The following COLEC11 variants were observed in gnomAD, a reference collection of about 807,000 sequenced individuals.
The protein encoded by COLEC11 is collectin-11.
COLEC11 carries 20 observed loss-of-function variants against 27.3 expected under a neutral mutation model. The ratio of observed to expected loss-of-function variants is 0.73; its 90% confidence interval spans 0.51 to 1.06. The LOEUF (loss-of-function observed/expected upper bound fraction) is 1.06, where lower values mean the gene tolerates loss of function less well. Ranked by LOEUF, COLEC11 falls within the 50% of genes least tolerant of loss-of-function variation. The probability of loss-of-function intolerance (pLI) is 0.00; values close to 1 mark genes in which losing one functional copy is unlikely to be tolerated. For synonymous variants in COLEC11, 163 were observed against 154.7 expected (o/e 1.05, Z -0.40); for missense variants, 310 against 383.0 (o/e 0.81, Z 1.59).
rs142143154 is a variant in COLEC11 at position 3,627,517 on chromosome 2, C to T, written c.203-10016C>T. ...GATGGGGTGGATCTGGGCATAATAA[C>T]GGTAGATCGGGGCATGATGATGCTG... On this transcript the variant is annotated intron_variant, in intron 3 of 6. Transcript: ENST00000349077. Among the ~76,000 whole-genome samples, 597 of 148,304 alleles carry T rather than the reference C, an allele frequency of 4.0e-3. 3 individuals carry two copies. Among genetic ancestry groups the T allele is most frequent in the Non-Finnish European group, 4.4e-3 (296 of 67,240 alleles).
At chr2:3,633,498 G>C (rs1665161115) in intron 3 of COLEC11, among the ~76,000 whole-genome samples, 1 of 152,180 alleles carries the variant, frequency 6.6e-6, no homozygotes, top group Non-Finnish European at 1.5e-5. Flanking sequence ...GTGGGACCCA[G>C]TCCCTGCCAT....
rs775993317 is a variant in COLEC11 at position 3,643,748 on chromosome 2, C to T, written c.446C>T (p.Thr149Met). 37 of 1,613,658 alleles carry T rather than the reference C, an allele frequency of 2.3e-5. No homozygotes were observed. Among genetic ancestry groups the T allele is most frequent in the Admixed American group, 6.7e-5 (4 of 60,034 alleles). ...ACAGCTGTCGCCGGTGTGCGCGAGA[C>T]GGAGAGCAAGATCTACCTGCTGGTG... is the stretch of plus-strand genomic sequence containing the variant. ...IKNAVAGVRE[T>M]ESKIYLLVKE... is the part of the protein sequence containing the mutation. The change falls in exon 7 of 7, where the codon ACG becomes ATG. Residue 149 changes from threonine to methionine, a missense_variant. By Grantham distance (81) the Thr-to-Met change is moderately conservative. Transcript: ENST00000349077.
chr2:3,623,132 G>A (rs1313671052), intron 3 of COLEC11, among the ~76,000 whole-genome samples: 1 of 152,182 alleles, frequency 6.6e-6, no homozygotes, highest in East Asian at 1.9e-4. Flanking sequence ...TGGCCTGCAA[G>A]TTTTCTGCTG....
chr2:3,643,382 G>A (rs567140152), intron 5 of COLEC11, 62 bp from the exon 6 acceptor site: 29 of 1,383,886 alleles, frequency 2.1e-5, no homozygotes, highest in Middle Eastern at 3.6e-4. Context: ...AGGGGTCCTC[G>A]CCTCTCTTCT....
chr2:3,622,056 C>T (rs1359033239), intron 3 of COLEC11, among the ~76,000 whole-genome samples: 1 of 151,706 alleles, frequency 6.6e-6, no homozygotes. Flanking sequence ...GTAGTCCTAG[C>T]TACTCAGGAG....
chr2:3,636,223 G>A (rs1665402767), intron 3 of COLEC11, among the ~76,000 whole-genome samples: 1 of 152,156 alleles, frequency 6.6e-6, no homozygotes, highest in Admixed American at 6.5e-5. Context: ...TTGGGAGGCC[G>A]AGGTGGATGG....
At chr2:3,598,089 C>T (rs1661979342) in intron 1 of COLEC11, among the ~76,000 whole-genome samples, 1 of 152,092 alleles carries the variant, frequency 6.6e-6, no homozygotes, top group African/African-American at 2.4e-5. Context: ...GCACCCGCCA[C>T]CATGCCCAGC....
At chr2:3,599,104 C>A (rs558787828) in intron 1 of COLEC11, among the ~76,000 whole-genome samples, 58 of 152,254 alleles carry the variant, frequency 3.8e-4, no homozygotes, top group Admixed American at 1.2e-3. Flanking sequence ...CCACCCTCAC[C>A]ACACACTGGT....
chr2:3,595,605 AGTGGCTCT>A (rs1661791044), intron 1 of COLEC11, among the ~76,000 whole-genome samples: 1 of 152,222 alleles, frequency 6.6e-6, no homozygotes, highest in Admixed American at 6.5e-5. Context: ...CCCAGGGACC[AGTGGCTCT>A]GTGTTGGGCT....
At chr2:3,617,522 A>C (rs996438619) in intron 3 of COLEC11, 22 of 1,511,914 alleles carry the variant, frequency 1.5e-5, no homozygotes, top group Non-Finnish European at 1.7e-5. Flanking sequence ...TGGAATATAC[A>C]GTGCATATTG....
At position 3,640,350 on chromosome 2, in the gene COLEC11, A is replaced by C. The variant is rs752190271; in HGVS notation, c.328+19A>C. ...GAACCAGGTATGGCATAAAGGGTCCAAGGATTTTTAATAAAATGTATTAAA... is the reference window on the plus strand; with the variant it reads ...GAACCAGGTATGGCATAAAGGGTCCCAGGATTTTTAATAAAATGTATTAAA... On this transcript the variant is annotated intron_variant, in intron 5 of 6. Transcript: ENST00000349077. 7.0e-7 allele frequency: 1 copy of C among 1,436,612 alleles called. No individual in the cohort carries two copies. The highest frequency in any genetic ancestry group is 1.4e-5 in the African/African-American group (1 of 71,358). 89.0% of individuals were successfully genotyped at this position (1,436,612 alleles called of 1,614,324 possible).
intron 5 of COLEC11, chr2:3,641,434 C>T: frequency 7.8e-7 from 1 of 1,281,854 alleles, no homozygotes; most frequent in African/African-American, 1.5e-5. Context: ...GACCTGGAGG[C>T]AGGTGACGGC....
chr2:3,642,375 G>A (rs1377331688), intron 5 of COLEC11, among the ~76,000 whole-genome samples: 1 of 152,088 alleles, frequency 6.6e-6, no homozygotes, highest in African/African-American at 2.4e-5. Context: ...TTGCCAGAAA[G>A]GCCTGTGAGG....
chr2:3,620,848 C>T (rs554459813), intron 3 of COLEC11, among the ~76,000 whole-genome samples: 4 of 152,234 alleles, frequency 2.6e-5, no homozygotes, highest in Admixed American at 2.0e-4. Flanking sequence ...TTTTCGTTTT[C>T]CTCCTCTTGC....
At chr2:3,596,257 C>T (rs1006265069) in intron 1 of COLEC11, among the ~76,000 whole-genome samples, 1 of 152,008 alleles carries the variant, frequency 6.6e-6, no homozygotes, top group African/African-American at 2.4e-5. Flanking sequence ...AGATGCTGGG[C>T]CTTGCTGTAG....
rs1004914295 is a variant in COLEC11 at position 3,607,637 on chromosome 2, C to T, written c.130+3167C>T. Among the ~76,000 whole-genome samples, 5 of 151,950 alleles carry T rather than the reference C, an allele frequency of 3.3e-5. No individual in the cohort carries two copies. The East Asian group carries it at 7.7e-4, about 24-fold the overall frequency. On this transcript the variant is annotated intron_variant, in intron 2 of 6. Transcript: ENST00000349077. Reference sequence around the variant, plus strand: ...CTAATTTTTGTATTTTTAGTAGAGACGGGGTTTCACCATGTTATCCAGGCT... The same window carrying T: ...CTAATTTTTGTATTTTTAGTAGAGATGGGGTTTCACCATGTTATCCAGGCT...
chr2:3,598,334 T>C (rs1244067198), intron 1 of COLEC11, among the ~76,000 whole-genome samples: 3 of 152,214 alleles, frequency 2.0e-5, no homozygotes, highest in South Asian at 4.1e-4. Flanking sequence ...ACATTAGATA[T>C]AATAAAGATT....
intron 2 of COLEC11, chr2:3,606,275 G>T (rs1235516817): frequency 2.0e-6 from 3 of 1,536,414 alleles, no homozygotes; most frequent in African/African-American, 2.7e-5. Flanking sequence ...GGGCCGTGGG[G>T]TGGGCTCCAG....
At chr2:3,604,291 C>T (rs775581207) in intron 1 of COLEC11, 24 bp from the exon 2 acceptor site, 2 of 1,613,654 alleles carry the variant, frequency 1.2e-6, no homozygotes, top group South Asian at 2.2e-5. Flanking sequence ...GTTCCCATCA[C>T]TGTTTATTCC....
Sources: allele counts gnomAD v4.1 joint callset (sites outside exome capture counted in the v4.1 genomes callset), GRCh38; gene constraint gnomAD v4.1.1; transcripts MANE v1.5; gene names NCBI Gene and HGNC (gene_info 2026-07-23, HGNC 2026-07-21).